The following ZNF250 variants were observed in gnomAD, a reference collection of about 807,000 sequenced individuals.
ZNF250 encodes zinc finger protein (clone 647).
Under a neutral mutation model 37.1 loss-of-function variants are expected in ZNF250, and 13 were observed. The observed-to-expected ratio is 0.35, with a 90% CI of 0.23 to 0.56. The LOEUF (loss-of-function observed/expected upper bound fraction) is 0.56, where lower values mean the gene tolerates loss of function less well. Ranked by LOEUF, ZNF250 falls within the 20% of genes least tolerant of loss-of-function variation. The pLI is 0.87. For synonymous variants in ZNF250, 251 were observed against 265.6 expected (o/e 0.94, Z 0.54); for missense variants, 474 against 697.9 (o/e 0.68, Z 3.61).
chr8:144,881,039 A>C lies in ZNF250; in HGVS notation c.*476T>G, dbSNP rs1481264112. ...TGAAAATATCTTTTTATATCACTTTATCCATACAATACTTTAGTCTTTTAA... is the reference window on the plus strand; with the variant it reads ...TGAAAATATCTTTTTATATCACTTTCTCCATACAATACTTTAGTCTTTTAA... On this transcript the variant is annotated 3_prime_UTR_variant, in exon 6 of 6. Transcript: ENST00000417550. The C allele has an allele frequency of 6.2e-6, 1 of 160,766 alleles. No individual in the cohort carries two copies. Among genetic ancestry groups the C allele is most frequent in the African/African-American group, 2.4e-5 (1 of 41,472 alleles). The allele number at this position is 160,766 out of a possible 1,614,324, so 10.0% of individuals were successfully genotyped here. A position where few individuals can be genotyped will look rare whatever the true frequency, so the allele number is the denominator to read the frequency against.
At position 144,877,220 on chromosome 8, in the gene ZNF250, G is replaced by T. The variant is rs1290386321; in HGVS notation, c.*4295C>A. 1 of 152,150 alleles carries T rather than the reference G, an allele frequency of 6.6e-6. No individual in the cohort carries two copies. Among genetic ancestry groups the T allele is most frequent in the African/African-American group, 2.4e-5 (1 of 41,414 alleles). The allele number at this position is 152,150 out of a possible 1,614,324, so 9.4% of individuals were successfully genotyped here. A position where few individuals can be genotyped will look rare whatever the true frequency, so the allele number is the denominator to read the frequency against. ...TCCCACCTTAGCCTCCCACGTATCTGGGACTACAGGCGCAAGCCACAACAC... is the reference window on the plus strand; with the variant it reads ...TCCCACCTTAGCCTCCCACGTATCTTGGACTACAGGCGCAAGCCACAACAC... On this transcript the variant is annotated 3_prime_UTR_variant, in exon 6 of 6. Coordinates refer to ENST00000417550, the MANE Select transcript of ZNF250 (RefSeq NM_001109689.4).
Position 144,891,926 on chromosome 8 carries a change from A to C in ZNF250, c.-54-1523T>G, listed in dbSNP as rs1419157954. On this transcript the variant is annotated intron_variant, in intron 1 of 5. Coordinates refer to ENST00000417550, the MANE Select transcript of ZNF250 (RefSeq NM_001109689.4). This position sits in a 1 kb window ranked among gnomAD's most constrained non-coding sequence, Gnocchi z 4.0. The stretch of plus-strand genomic sequence containing the variant: ...TGTAATCCCAACTACTCAGGAGGCT[A>C]AGGCAGGAGAATCACTTGAACCCAG... 2.6e-5 allele frequency among the ~76,000 whole-genome samples: 4 copies of C among 152,120 alleles called. No individual in the cohort carries two copies. Among genetic ancestry groups the C allele is most frequent in the African/African-American group, 9.7e-5 (4 of 41,426 alleles).
At chr8:144,889,138 T>A (rs1053319760) in intron 4 of ZNF250, among the ~76,000 whole-genome samples, 1 of 152,270 alleles carries the variant, frequency 6.6e-6, no homozygotes, top group African/African-American at 2.4e-5. Context: ...CGGGCTTCTT[T>A]GTCTTGTTCT....
In ZNF250 at chr8:144,886,901, G is replaced by C. The variant is rs1831921421; in HGVS notation, c.285C>G (p.Asp95Glu). 4 of 1,613,232 alleles carry C rather than the reference G, an allele frequency of 2.5e-6. No homozygotes were observed. Among genetic ancestry groups the C allele is most frequent in the Non-Finnish European group, 3.4e-6 (4 of 1,179,454 alleles). The change falls in exon 5 of 6, where the codon GAC becomes GAG. Residue 95 changes from aspartate (D) to glutamate (E), a missense_variant and splice_region_variant. By Grantham distance (45) the Asp-to-Glu change is conservative. Coordinates refer to ENST00000417550, the MANE Select transcript of ZNF250 (RefSeq NM_001109689.4). ...CTGTAGTGTGGTCATATTTGAGGTT[G>C]TCTGGAAAAAAAACAGCGAGTTGAA... ...KSQGLWSDYS[D>E]NLKYDHTTAC...
intron 1 of ZNF250, among the ~76,000 whole-genome samples, chr8:144,893,872 A>C (rs971690334): frequency 3.9e-5 from 6 of 152,066 alleles, no homozygotes; most frequent in Admixed American, 6.5e-5. Context: ...TCCTACCTGC[A>C]TCTTGTGTTT....
intron 5 of ZNF250, among the ~76,000 whole-genome samples, chr8:144,884,177 C>T (rs1351863371): frequency 6.6e-6 from 1 of 152,198 alleles, no homozygotes; most frequent in Non-Finnish European, 1.5e-5. Context: ...TGTTGTACAG[C>T]AGTTAATCAT....
chr8:144,887,285 G>T (rs1831964237), intron 4 of ZNF250, among the ~76,000 whole-genome samples: 1 of 132,142 alleles, frequency 7.6e-6, no homozygotes, highest in African/African-American at 3.3e-5. Context: ...AAAAAAGAGT[G>T]GAAAATCCTT....
Position 144,878,041 on chromosome 8 carries a change from T to C in ZNF250, c.*3474A>G, listed in dbSNP as rs923228760. 1.3e-5 allele frequency: 2 copies of C among 152,364 alleles called. No individual in the cohort carries two copies. Among genetic ancestry groups the C allele is most frequent in the African/African-American group, 4.8e-5 (2 of 41,586 alleles). The allele number at this position is 152,364 out of a possible 1,614,324, so 9.4% of individuals were successfully genotyped here. ...CAGCTAACACAGGTTGGCAGCTTCC[T>C]TTCATAGAAGATTTAAGATAGCACC... On this transcript the variant is annotated 3_prime_UTR_variant, in exon 6 of 6. Coordinates refer to ENST00000417550, the MANE Select transcript of ZNF250 (RefSeq NM_001109689.4).
chr8:144,889,449 A>C, intron 4 of ZNF250, 132 bp downstream of exon 4: 1 of 652,344 alleles, frequency 1.5e-6, no homozygotes, highest in Non-Finnish European at 2.6e-6. Context: ...CTCCTTTGCC[A>C]GATAAGGCCA....
Position 144,901,448 on chromosome 8 carries a change from TCAGA to T in ZNF250, c.-108_-105del, listed in dbSNP as rs1489555395. 1 of 152,256 alleles carries T rather than the reference TCAGA, an allele frequency of 6.6e-6. No homozygotes were observed. Among genetic ancestry groups the T allele is most frequent in the East Asian group, 1.9e-4 (1 of 5,152 alleles). 9.4% of individuals were successfully genotyped at this position (152,256 alleles called of 1,614,324 possible). ...GAAGGAACGGCATCCCGCAGCACCTTCAGACAAAGGGCTGCCCCGCCCCGTCTGC... is the reference window on the plus strand; with the variant it reads ...GAAGGAACGGCATCCCGCAGCACCTTCAAAGGGCTGCCCCGCCCCGTCTGC... On this transcript the variant is annotated 5_prime_UTR_variant, in exon 1 of 6. Transcript: ENST00000417550. This position sits in a 1 kb window ranked among gnomAD's most constrained non-coding sequence, Gnocchi z 5.4.
chr8:144,882,974 C>T lies in ZNF250; in HGVS notation c.347-138G>A. On this transcript the variant is annotated intron_variant, in intron 5 of 5. Coordinates refer to ENST00000417550, the MANE Select transcript of ZNF250 (RefSeq NM_001109689.4). The surrounding 1 kb of genome is among the most constrained non-coding windows in gnomAD (Gnocchi z 5.5). ...TGGTGTGAGCTACAGAAGAACAGAA[C>T]CACCATAACTGTGTCAAACAACTAG... is the stretch of plus-strand genomic sequence containing the variant. 1.1e-6 allele frequency: 1 copy of T among 931,422 alleles called. No individual in the cohort carries two copies. The highest frequency in any genetic ancestry group is 1.6e-6 in the Non-Finnish European group (1 of 611,866). The allele number at this position is 931,422 out of a possible 1,614,324, so 57.7% of individuals were successfully genotyped here.
In ZNF250 at chr8:144,882,918, A is replaced by G. The variant is rs762298455; in HGVS notation, c.347-82T>C. On this transcript the variant is annotated intron_variant, in intron 5 of 5. Transcript: ENST00000417550. The surrounding 1 kb of genome is among the most constrained non-coding windows in gnomAD (Gnocchi z 5.5). ...TGCAACCCTGAAACTGGCCTTGCTG[A>G]TGAAGGTGCAAAATCCCTCAATGCA... 3.4e-5 allele frequency: 51 copies of G among 1,505,806 alleles called. 1 individual carries two copies. Among genetic ancestry groups the G allele is most frequent in the Non-Finnish European group, 4.4e-5 (49 of 1,119,612 alleles). The allele number at this position is 1,505,806 out of a possible 1,614,324, so 93.3% of individuals were successfully genotyped here.
rs1832009859 is a variant in ZNF250, at chr8:144,887,907, G to A, written c.284-1005C>T. ...TAAGAGGTAGACTGTAATACCTGGTGCCCTATCCACATAAAGCTACTTTAG... is the reference window on the plus strand; with the variant it reads ...TAAGAGGTAGACTGTAATACCTGGTACCCTATCCACATAAAGCTACTTTAG... On this transcript the variant is annotated intron_variant, in intron 4 of 5. Transcript: ENST00000417550. Among the ~76,000 whole-genome samples, 4 of 152,200 alleles carry A rather than the reference G, an allele frequency of 2.6e-5. No homozygotes were observed. In the South Asian group the frequency reaches 8.3e-4, roughly 32 times the overall value.
Position 144,891,312 on chromosome 8 carries a change from A to G in ZNF250, c.-54-909T>C, listed in dbSNP as rs1259251010. ...ATAACAAAGCAACCAATCCCCTCAC[A>G]TGCTTGGCTCAGATGGGCACCACAA... is the stretch of plus-strand genomic sequence containing the variant. On this transcript the variant is annotated intron_variant, in intron 1 of 5. Transcript: ENST00000417550. This position sits in a 1 kb window ranked among gnomAD's most constrained non-coding sequence, Gnocchi z 4.0. Among the ~76,000 whole-genome samples the G allele has an allele frequency of 1.3e-5, 2 of 152,164 alleles. No individual in the cohort carries two copies. Among genetic ancestry groups the G allele is most frequent in the Admixed American group, 6.5e-5 (1 of 15,276 alleles).
chr8:144,884,256 T>C (rs527831573), intron 5 of ZNF250, among the ~76,000 whole-genome samples: 2 of 152,312 alleles, frequency 1.3e-5, no homozygotes, highest in African/African-American at 4.8e-5. Flanking sequence ...TTTATGAACA[T>C]AATTCTTTTT....
chr8:144,899,643 C>G (rs973216147), intron 1 of ZNF250, among the ~76,000 whole-genome samples: 25 of 152,112 alleles, frequency 1.6e-4, no homozygotes, highest in African/African-American at 5.8e-4. Flanking sequence ...GCTTATAAAT[C>G]AAAATCATAT....
rs1228178327 is a variant in ZNF250 at position 144,879,138 on chromosome 8, T to TTAAC, written c.*2373_*2376dup. 3.9e-5 allele frequency: 6 copies of TTAAC among 152,350 alleles called. No homozygotes were observed. In the East Asian group the frequency reaches 9.6e-4, roughly 24 times the overall value. 9.4% of individuals were successfully genotyped at this position (152,350 alleles called of 1,614,324 possible). ...TCACAGAATGGCAACACCTCTAAGG[T>TTAAC]TAACACCTTGGTTATCTGAGCTATC... On this transcript the variant is annotated 3_prime_UTR_variant, in exon 6 of 6. Transcript: ENST00000417550.
chr8:144,887,838 G>T (rs566689649), intron 4 of ZNF250, among the ~76,000 whole-genome samples: 1 of 152,306 alleles, frequency 6.6e-6, no homozygotes, highest in Admixed American at 6.5e-5. Context: ...TCTAAGGCTG[G>T]CATGTACCTT....
At chr8:144,887,001 C>T (rs1432743099) in intron 4 of ZNF250, 99 bp from the exon 5 acceptor site, 15 of 1,031,370 alleles carry the variant, frequency 1.5e-5, no homozygotes, top group Non-Finnish European at 2.3e-5. Flanking sequence ...AATCCCAGCA[C>T]TTTGGGAGGC....
Sources: allele counts gnomAD v4.1 joint callset (sites outside exome capture counted in the v4.1 genomes callset), GRCh38; gene constraint gnomAD v4.1.1; non-coding constraint Gnocchi (gnomAD v3.1); transcripts MANE v1.5; gene names NCBI Gene and HGNC (gene_info 2026-07-23, HGNC 2026-07-21).